The following PRDM5 variants were observed in gnomAD, a reference collection of about 807,000 sequenced individuals.
PRDM5 encodes PR domain zinc finger protein 5.
A neutral mutation model predicts 81.2 loss-of-function variants in PRDM5; 56 were observed. The ratio of observed to expected loss-of-function variants is 0.69; its 90% confidence interval spans 0.56 to 0.86. PRDM5 has a LOEUF of 0.86. Among genes scored for constraint, PRDM5 ranks in the 40% least tolerant of loss-of-function variants. The probability of loss-of-function intolerance (pLI) is 0.00; values close to 1 mark genes in which losing one functional copy is unlikely to be tolerated. For missense variants in PRDM5, 697 were observed against 770.1 expected, an observed-to-expected ratio of 0.91 and a Z score of 1.12; for synonymous variants, 267 against 256.4, an observed-to-expected ratio of 1.04 and a Z score of -0.39.
intron 12 of PRDM5, among the ~76,000 whole-genome samples, chr4:120,780,338 G>A (rs1748859050): frequency 6.6e-6 from 1 of 151,922 alleles, no homozygotes; most frequent in Non-Finnish European, 1.5e-5. Flanking sequence ...CAGCTACTCG[G>A]GAGGTTTCAA....
intron 2 of PRDM5, among the ~76,000 whole-genome samples, chr4:120,873,298 C>T (rs1762024226): frequency 6.6e-6 from 1 of 152,050 alleles, no homozygotes; most frequent in Admixed American, 6.6e-5. Flanking sequence ...GCCACCACGC[C>T]CTGACCACAA....
chr4:120,907,520 A>G lies in PRDM5; in HGVS notation c.131T>C (p.Met44Thr), dbSNP rs370047823. ...CATATTTTCATCCAAGTCTTCAGGC[A>G]TTCTCTTCTCTCCAGCAAAGGGTCC... ...KFGPFAGEKR[M>T]PEDLDENMDY... is the part of the protein sequence containing the mutation. Residue 44 changes from methionine to threonine, a missense_variant, in exon 2 of 16, where the codon ATG (methionine) becomes ACG (threonine). Physicochemically the swap from Met to Thr is moderately conservative, Grantham distance 81 (BLOSUM62 -1). Coordinates refer to ENST00000264808, the MANE Select transcript of PRDM5 (RefSeq NM_018699.4). The G allele has an allele frequency of 1.2e-6, 2 of 1,612,886 alleles. No homozygotes were observed. Among genetic ancestry groups the G allele is most frequent in the African/African-American group, 2.7e-5 (2 of 74,866 alleles).
At chr4:120,869,314 A>G (rs1197402216) in intron 2 of PRDM5, among the ~76,000 whole-genome samples, 1 of 152,202 alleles carries the variant, frequency 6.6e-6, no homozygotes, top group Non-Finnish European at 1.5e-5. Flanking sequence ...CTTCTCAGGT[A>G]GAATATTATG....
intron 10 of PRDM5, among the ~76,000 whole-genome samples, chr4:120,797,956 A>G (rs902090746): frequency 1.3e-5 from 2 of 152,162 alleles, no homozygotes; most frequent in Non-Finnish European, 2.9e-5. Context: ...TCAAAAAGCT[A>G]ACGTAAATAA....
At chr4:120,710,946 A>G (rs1248285689) in intron 14 of PRDM5, among the ~76,000 whole-genome samples, 1 of 152,238 alleles carries the variant, frequency 6.6e-6, no homozygotes, top group Non-Finnish European at 1.5e-5. Context: ...AGAAATAGGA[A>G]TAACCCACAT....
At chr4:120,853,879 C>T (rs957279326) in intron 2 of PRDM5, among the ~76,000 whole-genome samples, 4 of 152,088 alleles carry the variant, frequency 2.6e-5, no homozygotes, top group Non-Finnish European at 4.4e-5. Context: ...ATTATTGCAA[C>T]CTTCCCCTTT....
chr4:120,856,195 C>T (rs983747394), intron 2 of PRDM5, among the ~76,000 whole-genome samples: 3 of 152,106 alleles, frequency 2.0e-5, no homozygotes, highest in Non-Finnish European at 1.5e-5. Context: ...ACACAATATT[C>T]CGTCTTAAGG....
chr4:120,844,547 C>A (rs534622000), intron 3 of PRDM5, among the ~76,000 whole-genome samples: 28 of 152,246 alleles, frequency 1.8e-4, no homozygotes, highest in African/African-American at 6.5e-4. Context: ...AGGGGGCCAC[C>A]ATAAACCATA....
chr4:120,799,785 G>A (rs773760777), intron 8 of PRDM5, 40 bp from the exon 9 acceptor site: 1 of 1,600,838 alleles, frequency 6.2e-7, no homozygotes, highest in African/African-American at 1.3e-5. Flanking sequence ...AACTGTCAAA[G>A]CCTAGTAAAT....
intron 2 of PRDM5, among the ~76,000 whole-genome samples, chr4:120,878,640 G>A (rs1482520729): frequency 6.6e-6 from 1 of 152,114 alleles, no homozygotes; most frequent in East Asian, 1.9e-4. Context: ...GAGCCACACA[G>A]TGATACAAAA....
intron 14 of PRDM5, among the ~76,000 whole-genome samples, chr4:120,729,040 T>A (rs1248478400): frequency 6.6e-6 from 1 of 152,192 alleles, no homozygotes; most frequent in Non-Finnish European, 1.5e-5. Context: ...AGGAGACGGC[T>A]TTCCCTCTAA....
At chr4:120,898,629 T>C (rs1322195901) in intron 2 of PRDM5, among the ~76,000 whole-genome samples, 2 of 152,206 alleles carry the variant, frequency 1.3e-5, no homozygotes, top group African/African-American at 4.8e-5. Context: ...TAACACCCCT[T>C]GAAGCTGTTA....
chr4:120,719,614 C>T (rs113002356), intron 14 of PRDM5, among the ~76,000 whole-genome samples: 7 of 152,164 alleles, frequency 4.6e-5, no homozygotes, highest in South Asian at 2.1e-4. Context: ...AAGATGTCTA[C>T]GTCATAATTA....
In PRDM5 at chr4:120,873,028, G is replaced by T. The variant is rs142770655; in HGVS notation, c.178-19488C>A. Among the ~76,000 whole-genome samples, 1,502 of 151,902 alleles carry T rather than the reference G, an allele frequency of 9.9e-3. 31 individuals carry two copies. Among genetic ancestry groups the T allele is most frequent in the East Asian group, 0.069 (357 of 5,168 alleles). On this transcript the variant is annotated intron_variant, in intron 2 of 15. Transcript: ENST00000264808. ...TTTTATTTTATTTTTTTGAGACAGA[G>T]TCTTACTCCATCACCCAAACTGGAG...
At chr4:120,880,565 T>C (rs1457576627) in intron 2 of PRDM5, among the ~76,000 whole-genome samples, 1 of 152,178 alleles carries the variant, frequency 6.6e-6, no homozygotes, top group East Asian at 1.9e-4. Context: ...CATTTTACCT[T>C]CTTCAAAATC....
At chr4:120,843,760 A>G (rs1269247396) in intron 3 of PRDM5, among the ~76,000 whole-genome samples, 1 of 152,178 alleles carries the variant, frequency 6.6e-6, no homozygotes, top group Non-Finnish European at 1.5e-5. Flanking sequence ...TCTTTAAAAA[A>G]GCTGAAAAGT....
At position 120,694,687 on chromosome 4, in the gene PRDM5, G is replaced by A. The variant is rs1734325771; in HGVS notation, c.*424C>T. The A allele has an allele frequency of 6.3e-6, 1 of 159,428 alleles. No homozygotes were observed. The highest frequency in any genetic ancestry group is 1.4e-5 in the Non-Finnish European group (1 of 72,226). The allele number at this position is 159,428 out of a possible 1,614,324, so 9.9% of individuals were successfully genotyped here. A position where few individuals can be genotyped will look rare whatever the true frequency, so the allele number is the denominator to read the frequency against. On this transcript the variant is annotated 3_prime_UTR_variant, in exon 16 of 16. Transcript: ENST00000264808. Reference sequence around the variant, plus strand: ...TCTATTTAAATTGGTAAAACCAGCTGCAACAACTGGCATTTGCAAGTGAGT... The same window carrying A: ...TCTATTTAAATTGGTAAAACCAGCTACAACAACTGGCATTTGCAAGTGAGT...
chr4:120,691,281 T>C (rs1257701375), downstream of PRDM5, among the ~76,000 whole-genome samples: 1 of 152,134 alleles, frequency 6.6e-6, no homozygotes. Flanking sequence ...TATTCTGTCA[T>C]ACAACAAATT....
intron 13 of PRDM5, among the ~76,000 whole-genome samples, chr4:120,757,931 C>T (rs914770406): frequency 2.6e-5 from 4 of 151,718 alleles, no homozygotes; most frequent in Non-Finnish European, 5.9e-5. Context: ...CTCCCTCCAT[C>T]TCTCTCCTTG....
Sources: gnomAD v4.1 joint callset for allele counts (sites outside exome capture counted in the v4.1 genomes callset) on GRCh38, gnomAD v4.1.1 for gene constraint, MANE v1.5 for transcripts, NCBI Gene and HGNC (gene_info 2026-07-23, HGNC 2026-07-21) for gene names.